Variants in TRIM66 observed in about 807,000 individuals in gnomAD.
TRIM66 encodes the protein tripartite motif containing 66.
TRIM66 carries 99 observed loss-of-function variants against 148.2 expected under a neutral mutation model. That is an observed-to-expected ratio of 0.67 (90% CI 0.57 to 0.79). The LOEUF is 0.79. Among genes scored for constraint, TRIM66 ranks in the 30% least tolerant of loss-of-function variants. The probability of loss-of-function intolerance (pLI) is 0.00; values close to 1 mark genes in which losing one functional copy is unlikely to be tolerated. For missense variants in TRIM66, 1,666 were observed against 1,697.9 expected, an observed-to-expected ratio of 0.98 and a Z score of 0.33; for synonymous variants, 616 against 635.9, an observed-to-expected ratio of 0.97 and a Z score of 0.47.
Position 8,621,157 on chromosome 11 carries a change from T to TG in TRIM66, c.3419dup (p.Ala1141SerfsTer6), listed in dbSNP as rs1244853823. 1 of 1,551,660 alleles carries TG rather than the reference T, an allele frequency of 6.4e-7. No individual in the cohort carries two copies. On this transcript the variant is annotated frameshift_variant, in exon 20 of 25. Transcript: ENST00000646038. LOFTEE classifies it high-confidence loss of function. The stretch of plus-strand genomic sequence containing the variant: ...AGAAGTCCTCATTCTCTATTGGGGC[T>TG]GGGGGGCCCTTCTTGGCTCCTGGGG...
At position 8,621,638 on chromosome 11, in the gene TRIM66, G is replaced by A. The variant is rs1264207626; in HGVS notation, c.3255+7C>T. Reference sequence around the variant, plus strand: ...GGGTTTAAGGCCAAGGCAAAGCAAAGTGGTACCTTAATGGACATGCTGGAG... The same window carrying A: ...GGGTTTAAGGCCAAGGCAAAGCAAAATGGTACCTTAATGGACATGCTGGAG... On this transcript the variant is annotated splice_region_variant and intron_variant, in intron 19 of 24. Transcript: ENST00000646038. 4 of 1,518,502 alleles carry A rather than the reference G, an allele frequency of 2.6e-6. No homozygotes were observed. Among genetic ancestry groups the A allele is most frequent in the Non-Finnish European group, 3.5e-6 (4 of 1,133,340 alleles). The allele number at this position is 1,518,502 out of a possible 1,614,324, so 94.1% of individuals were successfully genotyped here.
chr11:8,656,471 G>A (rs1381079651), intron 6 of TRIM66, among the ~76,000 whole-genome samples: 4 of 152,180 alleles, frequency 2.6e-5, no homozygotes, highest in Admixed American at 2.0e-4. Flanking sequence ...TGGGGCTTCT[G>A]CCTCCAGAAT....
Position 8,624,356 on chromosome 11 carries a change from C to T in TRIM66, c.3019+3G>A. 6.5e-7 allele frequency: 1 copy of T among 1,549,858 alleles called. No homozygotes were observed. The highest frequency in any genetic ancestry group is 8.7e-7 in the Non-Finnish European group (1 of 1,146,616). ...CATGAAGGGCAGGCTGCTTGAGTCT[C>T]ACCTTTTGGGTTCTGGTACTGCTGC... is the stretch of plus-strand genomic sequence containing the variant. On this transcript the variant is annotated splice_donor_region_variant and intron_variant, in intron 17 of 24. Coordinates refer to ENST00000646038, the MANE Select transcript of TRIM66 (RefSeq NM_001388022.1).
At chr11:8,668,541 T>C (rs555844017) in intron 6 of TRIM66, among the ~76,000 whole-genome samples, 2 of 152,252 alleles carry the variant, frequency 1.3e-5, no homozygotes, top group South Asian at 4.1e-4. Flanking sequence ...GGCTTGCTCA[T>C]AGCATGGAGA....
intron 4 of TRIM66, among the ~76,000 whole-genome samples, chr11:8,672,945 T>TC (rs2039011176): frequency 7.0e-6 from 1 of 142,646 alleles, no homozygotes; most frequent in African/African-American, 2.6e-5. Flanking sequence ...CTCTTTTTTT[T>TC]TTTTTTTTTT....
chr11:8,681,354 C>T (rs1307167333), intron 1 of TRIM66, among the ~76,000 whole-genome samples: 1 of 151,958 alleles, frequency 6.6e-6, no homozygotes, highest in Admixed American at 6.6e-5. Context: ...AGGATGGTCT[C>T]GATCTCCTGA....
At chr11:8,631,427 A>T (rs900290844) in intron 15 of TRIM66, among the ~76,000 whole-genome samples, 3 of 152,254 alleles carry the variant, frequency 2.0e-5, no homozygotes, top group African/African-American at 7.2e-5. Context: ...GCTTAAAAAC[A>T]TTATTTCAAA....
In TRIM66 at chr11:8,649,904, C is replaced by T. The variant is rs2037206473; in HGVS notation, c.445-17G>A. ...AGAGCAGTTCTGGAAGCAGAGAGTT[C>T]TGGAGTTACTGATGTTATCCTCATT... On this transcript the variant is annotated splice_polypyrimidine_tract_variant and intron_variant, in intron 7 of 24. Coordinates refer to ENST00000646038, the MANE Select transcript of TRIM66 (RefSeq NM_001388022.1). 6.5e-7 allele frequency: 1 copy of T among 1,546,580 alleles called. No individual in the cohort carries two copies. Among genetic ancestry groups the T allele is most frequent in the South Asian group, 1.2e-5 (1 of 83,842 alleles).
At chr11:8,679,054 G>A (rs944704049) in intron 3 of TRIM66, 6 of 152,234 alleles carry the variant, frequency 3.9e-5, no homozygotes, top group African/African-American at 1.4e-4. Flanking sequence ...CAGAAGAGAT[G>A]TCACAGAGAA....
rs537616846 is a variant in TRIM66, at chr11:8,674,366, T to C, written c.-112+440A>G. Among the ~76,000 whole-genome samples, 15 of 152,316 alleles carry C rather than the reference T, an allele frequency of 9.8e-5. 1 individual carries two copies. The South Asian group carries it at 3.1e-3, about 32-fold the overall frequency. ...ACATACTTTTTGGAAAAAATAACTA[T>C]TTCCTTTTTTCCATTTATTTATTTA... On this transcript the variant is annotated intron_variant, in intron 4 of 24. Transcript: ENST00000646038.
Position 8,643,093 on chromosome 11 carries a change from T to C in TRIM66, c.1138A>G (p.Ser380Gly). The C allele has an allele frequency of 6.4e-7, 1 of 1,551,060 alleles. No individual in the cohort carries two copies. Among genetic ancestry groups the C allele is most frequent in the South Asian group, 1.2e-5 (1 of 83,950 alleles). The change falls in exon 13 of 25, where the codon AGT (serine) becomes GGT (glycine). Residue 380 changes from serine to glycine, a missense_variant. Ser to Gly is a moderately conservative substitution (Grantham distance 56). This residue lies in a region of TRIM66 where 1,431 missense variants were observed against 1,412.4 expected (regional missense o/e 1.01). Coordinates refer to ENST00000646038, the MANE Select transcript of TRIM66 (RefSeq NM_001388022.1). ...VFQMQRLLET[S>G]CNTDPGSPWS... ...GGGGAGCCAGGATCTGTGTTACAACTTGTCTCCAGCAATCGCTGCATCTGA... is the reference window on the plus strand; with the variant it reads ...GGGGAGCCAGGATCTGTGTTACAACCTGTCTCCAGCAATCGCTGCATCTGA...
Position 8,621,250 on chromosome 11 carries a change from A to G in TRIM66, c.3327T>C (p.Ser1109=), listed in dbSNP as rs1010740506. The change falls in exon 20 of 25, where the codon TCT becomes TCC. Residue 1109 remains serine, a synonymous_variant. Transcript: ENST00000646038. ...CTTCTGGTGGCCGCTGCCCAGCCAA[A>G]GAAGTGACAGTGACCTTTCTTCCCT... ...GLEGRKVTVT[S]LAGQRPPEVE... 2 of 1,551,700 alleles carry G rather than the reference A, an allele frequency of 1.3e-6. No homozygotes were observed. Among genetic ancestry groups the G allele is most frequent in the East Asian group, 4.9e-5 (2 of 40,906 alleles).
In TRIM66 at chr11:8,625,025, G is replaced by A. The variant is rs952128207; in HGVS notation, c.2514C>T (p.Pro838=). Reference sequence around the variant, plus strand: ...TCTGTAGGTGACTGGTTGTCAGGCTGGGCATGGCCTGGTTTTGAACACTTG... The same window carrying A: ...TCTGTAGGTGACTGGTTGTCAGGCTAGGCATGGCCTGGTTTTGAACACTTG... ...SLTSVQNQAM[P]SLTTSHLQTV... The change falls in exon 16 of 25, where the codon CCC becomes CCT. Residue 838 remains proline (P), a synonymous_variant. Transcript: ENST00000646038. 1 of 1,551,750 alleles carries A rather than the reference G, an allele frequency of 6.4e-7. No individual in the cohort carries two copies. The highest frequency in any genetic ancestry group is 8.7e-7 in the Non-Finnish European group (1 of 1,147,006).
chr11:8,665,760 T>C (rs1185126467), intron 6 of TRIM66, among the ~76,000 whole-genome samples: 1 of 151,682 alleles, frequency 6.6e-6, no homozygotes, highest in Non-Finnish European at 1.5e-5. Context: ...CCATCCTGGC[T>C]AACACGGTGA....
At chr11:8,647,222 C>A (rs771538774) in intron 10 of TRIM66, among the ~76,000 whole-genome samples, 8 of 151,938 alleles carry the variant, frequency 5.3e-5, no homozygotes, top group Non-Finnish European at 1.0e-4. Context: ...ATACTAAAGG[C>A]CACTGAATTA....
intron 6 of TRIM66, among the ~76,000 whole-genome samples, chr11:8,653,001 G>A (rs774352080): frequency 3.3e-5 from 5 of 152,346 alleles, no homozygotes; most frequent in South Asian, 2.1e-4. Context: ...GAGTTGCTGT[G>A]CACATTAAAT....
At position 8,648,068 on chromosome 11, in the gene TRIM66, T is replaced by C. The variant is rs748036040; in HGVS notation, c.744A>G (p.Glu248=). ...HKEHRCRHVE[E]VLQNQRMLLE... ...GAAGCATCCTCTGGTTTTGCAAAACTTCTTCAACATGTCTGCACCTAGGGG... is the reference window on the plus strand; with the variant it reads ...GAAGCATCCTCTGGTTTTGCAAAACCTCTTCAACATGTCTGCACCTAGGGG... The change falls in exon 10 of 25, where the codon GAA becomes GAG. Residue 248 remains glutamate (E), a synonymous_variant. Transcript: ENST00000646038. The C allele has an allele frequency of 1.3e-6, 2 of 1,551,720 alleles. No homozygotes were observed. The highest frequency in any genetic ancestry group is 2.4e-5 in the South Asian group (2 of 84,064).
chr11:8,639,369 T>TG (rs987247243), intron 14 of TRIM66, among the ~76,000 whole-genome samples: 3 of 152,168 alleles, frequency 2.0e-5, no homozygotes, highest in South Asian at 2.1e-4. Context: ...CAGGAGGTTC[T>TG]GGGGGGAAGA....
At chr11:8,640,086 T>C (rs1039135806) in intron 14 of TRIM66, 141 bp downstream of exon 14, 22 of 854,160 alleles carry the variant, frequency 2.6e-5, no homozygotes, top group Non-Finnish European at 3.9e-5. Context: ...CAGCATAGTT[T>C]TGAAATGTGA....
Sources: allele counts gnomAD v4.1 joint callset (sites outside exome capture counted in the v4.1 genomes callset), GRCh38; gene constraint gnomAD v4.1.1; regional missense constraint gnomAD v4.1.1; transcripts MANE v1.5; gene names NCBI Gene and HGNC (gene_info 2026-07-23, HGNC 2026-07-21).